TMPRSS15: variants seen among roughly 807,000 people sequenced by gnomAD.
The protein encoded by TMPRSS15 is transmembrane serine protease 15, also known as enteropeptidase.
A neutral mutation model predicts 125.3 loss-of-function variants in TMPRSS15; 128 were observed. That is an observed-to-expected ratio of 1.02 (90% CI 0.89 to 1.18). TMPRSS15 has a LOEUF of 1.18. TMPRSS15 is among the 50% of genes most tolerant of loss of function. TMPRSS15 has a pLI of 0.00. For synonymous variants in TMPRSS15, 446 were observed against 423.2 expected, an observed-to-expected ratio of 1.05 and a Z score of -0.66; for missense variants, 1,283 against 1,212.7, an observed-to-expected ratio of 1.06 and a Z score of -0.86.
intron 10 of TMPRSS15, 142 bp downstream of exon 10, chr21:18,352,761 T>A: frequency 1.2e-6 from 1 of 817,640 alleles, no homozygotes; most frequent in South Asian, 1.6e-5. Context: ...CCATTTTTCA[T>A]TTAATTAATT....
chr21:18,436,376 C>T, intron 1 of TMPRSS15, among the ~76,000 whole-genome samples: 1 of 151,950 alleles, frequency 6.6e-6, no homozygotes, highest in African/African-American at 2.4e-5. Flanking sequence ...TTTCTGCCTT[C>T]ATTTCGTTAT....
chr21:18,455,255 G>A (rs1978416804), intron 1 of TMPRSS15, among the ~76,000 whole-genome samples: 1 of 152,072 alleles, frequency 6.6e-6, no homozygotes, highest in African/African-American at 2.4e-5. Flanking sequence ...TCTTGGGTAT[G>A]TTTTTATTAG....
chr21:18,436,282 T>C lies in TMPRSS15; in HGVS notation c.11-37953A>G, dbSNP rs2076227744. On this transcript the variant is annotated intron_variant, in intron 1 of 7. Coordinates refer to the TMPRSS15 transcript ENST00000422787. ...TTGTGGGCATTTAGTGCTATAAATTTCCCTCTACACACTGCTTTGAATGTG... is the reference window on the plus strand; with the variant it reads ...TTGTGGGCATTTAGTGCTATAAATTCCCCTCTACACACTGCTTTGAATGTG... Among the ~76,000 whole-genome samples, 5 of 151,918 alleles carry C rather than the reference T, an allele frequency of 3.3e-5. No individual in the cohort carries two copies. The South Asian group carries it at 8.3e-4, about 25-fold the overall frequency.
chr21:18,367,425 C>T (rs191943809), intron 6 of TMPRSS15, among the ~76,000 whole-genome samples: 262 of 152,284 alleles, frequency 1.7e-3, no homozygotes, highest in South Asian at 3.9e-3. Context: ...TCACCTTCAA[C>T]GCTCTTTTCC....
chr21:18,318,095 G>A (rs2075192840), intron 16 of TMPRSS15, among the ~76,000 whole-genome samples: 1 of 152,084 alleles, frequency 6.6e-6, no homozygotes, highest in African/African-American at 2.4e-5. Flanking sequence ...AATAAAGATT[G>A]GTATCAATTC....
At chr21:18,274,295 A>G (rs950080332) in intron 24 of TMPRSS15, among the ~76,000 whole-genome samples, 1 of 152,220 alleles carries the variant, frequency 6.6e-6, no homozygotes, top group Non-Finnish European at 1.5e-5. Context: ...AATAAGTGTT[A>G]AAGCCAGGAT....
chr21:18,285,026 A>G (rs2146879912), intron 21 of TMPRSS15, among the ~76,000 whole-genome samples: 1 of 152,060 alleles, frequency 6.6e-6, no homozygotes, highest in East Asian at 1.9e-4. Context: ...AAAAAAAAGA[A>G]GTTGGCTGAA....
chr21:18,306,797 C>T (rs1247263562), intron 18 of TMPRSS15, among the ~76,000 whole-genome samples: 1 of 151,436 alleles, frequency 6.6e-6, no homozygotes, highest in Non-Finnish European at 1.5e-5. Flanking sequence ...TTTTTTTAAC[C>T]TTTATTGTTG....
At chr21:18,306,151 GTGT>G (rs1238088846) in intron 18 of TMPRSS15, among the ~76,000 whole-genome samples, 1 of 151,980 alleles carries the variant, frequency 6.6e-6, no homozygotes, top group African/African-American at 2.4e-5. Flanking sequence ...TCCCATATCT[GTGT>G]TGTTGTTTTG....
At chr21:18,413,302 T>C (rs1363488827) in intron 1 of TMPRSS15, among the ~76,000 whole-genome samples, 8 of 122,114 alleles carry the variant, frequency 6.6e-5, no homozygotes, top group African/African-American at 2.2e-4. Flanking sequence ...CTTTTCTTTC[T>C]TTTCTTTCTT....
chr21:18,349,181 C>T (rs2075539011), intron 10 of TMPRSS15, among the ~76,000 whole-genome samples: 1 of 152,200 alleles, frequency 6.6e-6, no homozygotes, highest in African/African-American at 2.4e-5. Context: ...CCTCTGCGAT[C>T]CCTATATTTC....
At chr21:18,326,611 C>T (rs772427057) in intron 15 of TMPRSS15, 39 bp from the exon 16 acceptor site, 24 of 1,613,396 alleles carry the variant, frequency 1.5e-5, no homozygotes, top group African/African-American at 2.7e-5. Context: ...TGAGATGATC[C>T]TTTGGATCTA....
At chr21:18,388,409 G>T (rs1488340960) in intron 3 of TMPRSS15, among the ~76,000 whole-genome samples, 1 of 152,086 alleles carries the variant, frequency 6.6e-6, no homozygotes, top group African/African-American at 2.4e-5. Context: ...TTGGGATTTT[G>T]GTAGCCCACC....
intron 1 of TMPRSS15, among the ~76,000 whole-genome samples, chr21:18,410,205 G>A (rs906459266): frequency 6.8e-6 from 1 of 148,112 alleles, no homozygotes; most frequent in Non-Finnish European, 1.5e-5. Context: ...GCCTTCTTTT[G>A]ATGGCCCATA....
intron 8 of TMPRSS15, among the ~76,000 whole-genome samples, chr21:18,358,258 G>A (rs8126887): frequency 6.6e-6 from 1 of 151,694 alleles, no homozygotes; most frequent in Admixed American, 6.6e-5. Context: ...TACCAATTTA[G>A]ATTTTATCTT....
intron 10 of TMPRSS15, among the ~76,000 whole-genome samples, chr21:18,350,930 C>T (rs1371500559): frequency 9.9e-5 from 15 of 151,978 alleles, no homozygotes; most frequent in Admixed American, 8.5e-4. Context: ...TTTGAAGGGG[C>T]TTTTACTGAT....
At chr21:18,480,323 T>C (rs9976176) in intron 1 of TMPRSS15, among the ~76,000 whole-genome samples, 3,627 of 151,972 alleles carry the variant, frequency 0.024, 162 homozygotes, top group African/African-American at 0.081. Flanking sequence ...TTTAAACAAC[T>C]AGCTCACGTT....
rs182104831 is a variant in TMPRSS15 at position 18,303,944 on chromosome 21, C to T, written c.2166-6115G>A. ...GACATTTCACAAAAGTCTTGATTTC[C>T]AATAAAATATTTTCAAATGCTTAGT... On this transcript the variant is annotated intron_variant, in intron 18 of 24. Transcript: ENST00000284885. Among the ~76,000 whole-genome samples, 492 of 152,198 alleles carry T rather than the reference C, an allele frequency of 3.2e-3. 5 individuals carry two copies. Among genetic ancestry groups the T allele is most frequent in the African/African-American group, 0.011 (454 of 41,522 alleles).
chr21:18,313,153 G>C, intron 17 of TMPRSS15, 76 bp from the exon 18 acceptor site: 1 of 989,544 alleles, frequency 1.0e-6, no homozygotes, highest in South Asian at 1.3e-5. Context: ...CGTTCAAAGA[G>C]TACAGAGCTT....
Sources: allele counts gnomAD v4.1 joint callset (sites outside exome capture counted in the v4.1 genomes callset), GRCh38; gene constraint gnomAD v4.1.1; transcripts MANE v1.5; gene names NCBI Gene and HGNC (gene_info 2026-07-23, HGNC 2026-07-21).